ZNF391: variants seen among roughly 807,000 people sequenced by gnomAD.
ZNF391 encodes the protein zinc finger protein 391.
For synonymous variants in ZNF391, 126 were observed against 142.1 expected (o/e 0.89, Z 0.80); for missense variants, 375 against 425.5 (o/e 0.88, Z 1.04).
chr6:27,390,958 T>G (rs1761695266), intron 1 of ZNF391: 1 of 152,186 alleles, frequency 6.6e-6, no homozygotes, highest in Non-Finnish European at 1.5e-5. Flanking sequence ...CAGTGTCATC[T>G]GTCTTCTATT....
chr6:27,397,907 G>C (rs1436092931), intron 1 of ZNF391, among the ~76,000 whole-genome samples: 2 of 152,186 alleles, frequency 1.3e-5, no homozygotes, highest in Non-Finnish European at 2.9e-5. Flanking sequence ...TGGGATTACA[G>C]GCATGAGCCA....
chr6:27,385,012 A>C (rs1761566365), upstream of ZNF391, among the ~76,000 whole-genome samples: 1 of 149,890 alleles, frequency 6.7e-6, no homozygotes, highest in African/African-American at 2.5e-5. Flanking sequence ...GTGAGACTCC[A>C]TCTCAAAAAA....
At position 27,388,793 on chromosome 6, in the gene ZNF391, T is replaced by C. The variant is rs1316173753; in HGVS notation, c.-470T>C. ...TCTGTTTTGCAACTGGTCGTCCGCG[T>C]CAGGAGACTTAGGTCCAGGCGACTG... On this transcript the variant is annotated 5_prime_UTR_variant, in exon 1 of 3. Coordinates refer to ENST00000244576, the MANE Select transcript of ZNF391 (RefSeq NM_001076781.3). 4.8e-6 allele frequency: 2 copies of C among 416,438 alleles called. No homozygotes were observed. The highest frequency in any genetic ancestry group is 4.2e-5 in the African/African-American group (2 of 47,424). 25.8% of individuals were successfully genotyped at this position (416,438 alleles called of 1,614,324 possible).
chr6:27,381,897 G>T (rs1357551078), intron 1 of ZNF391, among the ~76,000 whole-genome samples: 1 of 151,780 alleles, frequency 6.6e-6, no homozygotes, highest in African/African-American at 2.4e-5. Context: ...GCCAGGCTGT[G>T]GTGGCATGTG....
At chr6:27,375,352 C>A (rs974451543) in intron 1 of ZNF391, among the ~76,000 whole-genome samples, 5 of 152,160 alleles carry the variant, frequency 3.3e-5, no homozygotes, top group African/African-American at 9.7e-5. Flanking sequence ...GTAGGCATGG[C>A]GGCTGGAGAG....
At position 27,400,887 on chromosome 6, in the gene ZNF391, G is replaced by C. The variant is rs1488026682; in HGVS notation, c.517G>C (p.Ala173Pro). 6.2e-7 allele frequency: 1 copy of C among 1,614,158 alleles called. No individual in the cohort carries two copies. Among genetic ancestry groups the C allele is most frequent in the Non-Finnish European group, 8.5e-7 (1 of 1,180,016 alleles). ...TTATGAATGCAATGAATGTGGAAAA[G>C]CTTTTAGCCGGAGCACACATCTTAG... is the stretch of plus-strand genomic sequence containing the variant. ...KPYECNECGK[A>P]FSRSTHLSLH... The change falls in exon 3 of 3, where the codon GCT becomes CCT. Residue 173 changes from alanine to proline, a missense_variant. Coordinates refer to ENST00000244576, the MANE Select transcript of ZNF391 (RefSeq NM_001076781.3).
intron 1 of ZNF391, among the ~76,000 whole-genome samples, chr6:27,397,308 A>T (rs1248951371): frequency 6.6e-6 from 1 of 152,122 alleles, no homozygotes; most frequent in Non-Finnish European, 1.5e-5. Context: ...TAAGCAACTA[A>T]ATCTCACATG....
intron 1 of ZNF391, among the ~76,000 whole-genome samples, chr6:27,394,723 A>G (rs1241266634): frequency 6.6e-6 from 1 of 152,210 alleles, no homozygotes; most frequent in Non-Finnish European, 1.5e-5. Flanking sequence ...TGGAAAAGCC[A>G]CAGGCATTCA....
chr6:27,392,561 C>T (rs554683236), intron 1 of ZNF391, among the ~76,000 whole-genome samples: 71 of 152,316 alleles, frequency 4.7e-4, no homozygotes, highest in South Asian at 4.4e-3. Flanking sequence ...TTTACTCCAT[C>T]GGTTACATAG....
rs1335219983 is a variant in ZNF391, at chr6:27,389,031, C to A, written c.-232C>A. ...CCCGGGGTGTGTCGGGGGTACTCGGCCGGAGGCGGCCGGTGAGTGAGGCTT... is the reference window on the plus strand; with the variant it reads ...CCCGGGGTGTGTCGGGGGTACTCGGACGGAGGCGGCCGGTGAGTGAGGCTT... On this transcript the variant is annotated 5_prime_UTR_variant, in exon 1 of 3. Transcript: ENST00000244576. The A allele has an allele frequency of 2.2e-6, 1 of 455,866 alleles. No homozygotes were observed. The highest frequency in any genetic ancestry group is 6.9e-5 in the East Asian group (1 of 14,394). The allele number at this position is 455,866 out of a possible 1,614,324, so 28.2% of individuals were successfully genotyped here. A position where few individuals can be genotyped will look rare whatever the true frequency, so the allele number is the denominator to read the frequency against.
intron 1 of ZNF391, among the ~76,000 whole-genome samples, chr6:27,383,017 G>A (rs1454870475): frequency 6.6e-6 from 1 of 152,076 alleles, no homozygotes; most frequent in African/African-American, 2.4e-5. Context: ...CTACTCAGGA[G>A]GCTGAGGCAG....
Position 27,401,073 on chromosome 6 carries a change from A to T in ZNF391, c.703A>T (p.Thr235Ser). The T allele has an allele frequency of 6.2e-7, 1 of 1,614,200 alleles. No individual in the cohort carries two copies. Among genetic ancestry groups the T allele is most frequent in the Non-Finnish European group, 8.5e-7 (1 of 1,180,036 alleles). The change falls in exon 3 of 3, where the codon ACC becomes TCC. Residue 235 changes from threonine (T) to serine (S), a missense_variant. By Grantham distance (58) the Thr-to-Ser change is moderately conservative. Transcript: ENST00000244576. Reference protein sequence around the residue: ...ECGKAFGDRSTIIQHQRIHTG... With the variant: ...ECGKAFGDRSSIIQHQRIHTG... Reference sequence around the variant, plus strand: ...TGGGAAAGCCTTCGGTGACCGTTCAACCATAATTCAGCATCAACGAATACA... The same window carrying T: ...TGGGAAAGCCTTCGGTGACCGTTCATCCATAATTCAGCATCAACGAATACA...
Position 27,374,753 on chromosome 6 carries a change from G to T in ZNF391, n.139G>T, listed in dbSNP as rs954708828. ...ATTTCTGACCTCTGGAGGCCGGGCT[G>T]AGCCCGGAATTTTATGACCAGCGCC... On this transcript the variant is annotated non_coding_transcript_exon_variant, in exon 1 of 3. Transcript: ENST00000477999. This position sits in a 1 kb window ranked among gnomAD's most constrained non-coding sequence, Gnocchi z 5.3. The T allele has an allele frequency of 1.6e-4, 25 of 152,272 alleles. No homozygotes were observed. The highest frequency in any genetic ancestry group is 4.1e-4 in the South Asian group (2 of 4,820). The allele number at this position is 152,272 out of a possible 1,614,324, so 9.4% of individuals were successfully genotyped here. A position where few individuals can be genotyped will look rare whatever the true frequency, so the allele number is the denominator to read the frequency against.
At chr6:27,396,460 C>G (rs1051408125) in intron 1 of ZNF391, among the ~76,000 whole-genome samples, 1 of 152,152 alleles carries the variant, frequency 6.6e-6, no homozygotes, top group Non-Finnish European at 1.5e-5. Flanking sequence ...CGTGGTGGCT[C>G]ATGCCTGTAA....
chr6:27,390,194 A>T (rs2113648292), intron 1 of ZNF391, among the ~76,000 whole-genome samples: 1 of 152,332 alleles, frequency 6.6e-6, no homozygotes, highest in African/African-American at 2.4e-5. Context: ...GGGGGTAGAA[A>T]ATAAAGGAGA....
At chr6:27,389,814 C>T (rs192454838) in intron 1 of ZNF391, among the ~76,000 whole-genome samples, 2 of 79,664 alleles carry the variant, frequency 2.5e-5, no homozygotes, top group Admixed American at 1.3e-4. Flanking sequence ...CCCTCCCCCC[C>T]AAAAAAGAGA....
Position 27,388,872 on chromosome 6 carries a change from G to C in ZNF391, c.-391G>C, listed in dbSNP as rs1020087807. The C allele has an allele frequency of 1.5e-5, 7 of 455,438 alleles. No individual in the cohort carries two copies. Among genetic ancestry groups the C allele is most frequent in the Admixed American group, 9.5e-5 (4 of 42,158 alleles). 28.2% of individuals were successfully genotyped at this position (455,438 alleles called of 1,614,324 possible). Reference sequence around the variant, plus strand: ...AGCAGAGCATGATCAGCAGCAGTCTGAGTGGAAGAGTGCCTGTGATCTTAG... The same window carrying C: ...AGCAGAGCATGATCAGCAGCAGTCTCAGTGGAAGAGTGCCTGTGATCTTAG... On this transcript the variant is annotated 5_prime_UTR_variant, in exon 1 of 3. Transcript: ENST00000244576.
intron 1 of ZNF391, among the ~76,000 whole-genome samples, chr6:27,390,439 A>T (rs1172287968): frequency 1.3e-5 from 2 of 152,238 alleles, no homozygotes; most frequent in African/African-American, 4.8e-5. Context: ...AAATAATGAA[A>T]GTATGAGGAA....
chr6:27,394,301 A>C (rs1312040364), intron 1 of ZNF391, among the ~76,000 whole-genome samples: 1 of 152,228 alleles, frequency 6.6e-6, no homozygotes, highest in African/African-American at 2.4e-5. Context: ...ACTGCCCTGC[A>C]CCACTCCAGG....
Sources: gnomAD v4.1 joint callset for allele counts (sites outside exome capture counted in the v4.1 genomes callset) on GRCh38, gnomAD v4.1.1 for gene constraint, Gnocchi (gnomAD v3.1) non-coding constraint, MANE v1.5 for transcripts, NCBI Gene and HGNC (gene_info 2026-07-23, HGNC 2026-07-21) for gene names.